Variants in NRXN3 observed in about 807,000 individuals in gnomAD.
NRXN3 encodes neurexin III.
Under a neutral mutation model 137.6 loss-of-function variants are expected in NRXN3, and 32 were observed. That is an observed-to-expected ratio of 0.23 (90% CI 0.18 to 0.31). NRXN3 has a LOEUF of 0.31. Ranked by LOEUF, NRXN3 falls within the 10% of genes least tolerant of loss-of-function variation. The pLI is 1.00. For missense variants in NRXN3, 1,574 were observed against 2,062.5 expected, an observed-to-expected ratio of 0.76 and a Z score of 4.59; for synonymous variants, 798 against 784.5, an observed-to-expected ratio of 1.02 and a Z score of -0.29.
Position 78,957,377 on chromosome 14 carries a change from G to A in NRXN3, c.2395+16G>A, listed in dbSNP as rs201148300. On this transcript the variant is annotated intron_variant, in intron 11 of 20. Coordinates refer to ENST00000335750, the MANE Select transcript of NRXN3 (RefSeq NM_001330195.2). The stretch of plus-strand genomic sequence containing the variant: ...GTGGCTGAGGGTGAGTATGACTATG[G>A]TGAAATTCGTCTGTCTTTTCTCTCA... 6.0e-4 allele frequency: 960 copies of A among 1,599,568 alleles called. 6 individuals are homozygous for A. In the Middle Eastern group the frequency reaches 7.0e-3, roughly 12 times the overall value.
chr14:78,338,283 T>G (rs2081717806), intron 4 of NRXN3, among the ~76,000 whole-genome samples: 1 of 152,178 alleles, frequency 6.6e-6, no homozygotes, highest in African/African-American at 2.4e-5. Context: ...AAAATTCACT[T>G]CCCCAGTCTC....
chr14:78,404,205 CT>C (rs61577048), intron 4 of NRXN3, among the ~76,000 whole-genome samples: 96,223 of 142,014 alleles, frequency 0.68, 33,031 homozygotes, highest in African/African-American at 0.8. Flanking sequence ...CCCTATTTTC[CT>C]TTTTTTTTTT....
intron 8 of NRXN3, among the ~76,000 whole-genome samples, chr14:78,760,422 C>T (rs1011824243): frequency 6.7e-6 from 1 of 149,662 alleles, no homozygotes; most frequent in African/African-American, 2.5e-5. Context: ...GGGTCTGGAA[C>T]ATAGTAGGTG....
chr14:79,441,630 G>A (rs8004710), intron 15 of NRXN3, among the ~76,000 whole-genome samples: 2 of 151,432 alleles, frequency 1.3e-5, no homozygotes, highest in Non-Finnish European at 2.9e-5. Flanking sequence ...TCTGCCCGCC[G>A]CGGCCTCCCA....
At chr14:78,475,550 T>C (rs1038082783) in intron 4 of NRXN3, among the ~76,000 whole-genome samples, 3 of 152,214 alleles carry the variant, frequency 2.0e-5, no homozygotes, top group Non-Finnish European at 4.4e-5. Flanking sequence ...AAAACAGTCT[T>C]GGCATTAATG....
intron 4 of NRXN3, among the ~76,000 whole-genome samples, chr14:78,598,552 G>A (rs1243785263): frequency 2.0e-5 from 3 of 152,228 alleles, no homozygotes; most frequent in African/African-American, 7.2e-5. Context: ...CCTGGGGTCT[G>A]CTCTCGCAGT....
intron 10 of NRXN3, among the ~76,000 whole-genome samples, chr14:78,824,301 A>T (rs532346617): frequency 6.6e-6 from 1 of 152,168 alleles, no homozygotes; most frequent in South Asian, 2.1e-4. Context: ...GATTCTGTTC[A>T]TTCAGTCAAG....
chr14:78,964,549 A>G (rs764679835), intron 11 of NRXN3, among the ~76,000 whole-genome samples: 2 of 152,198 alleles, frequency 1.3e-5, no homozygotes, highest in Non-Finnish European at 1.5e-5. Context: ...CTTCTTCAGG[A>G]AAGTTGTTAA....
rs1294731677 is a variant in NRXN3 at position 78,182,745 on chromosome 14, A to T, written c.-704+12071A>T. ...CTCGGCCTCCCAAAGTGCTGGGATTACAAGTGTGAGCCACTGCGCCTGGCC... is the reference window on the plus strand; with the variant it reads ...CTCGGCCTCCCAAAGTGCTGGGATTTCAAGTGTGAGCCACTGCGCCTGGCC... On this transcript the variant is annotated intron_variant, in intron 1 of 20. Transcript: ENST00000335750. Among the ~76,000 whole-genome samples the T allele has an allele frequency of 2.6e-5, 4 of 152,204 alleles. No homozygotes were observed. The East Asian group carries it at 7.7e-4, about 29-fold the overall frequency.
chr14:78,171,280 T>G (rs2058700912), intron 1 of NRXN3, among the ~76,000 whole-genome samples: 2 of 149,784 alleles, frequency 1.3e-5, no homozygotes, highest in Non-Finnish European at 3.0e-5. Flanking sequence ...AAATTCAGGT[T>G]GGACTCCTGT....
intron 4 of NRXN3, among the ~76,000 whole-genome samples, chr14:78,620,361 A>G (rs1025820032): frequency 3.3e-5 from 5 of 152,242 alleles, no homozygotes; most frequent in African/African-American, 1.2e-4. Context: ...TTAGGCAGCT[A>G]GAAAAATAAC....
At chr14:78,510,997 C>T (rs2096094299) in intron 4 of NRXN3, among the ~76,000 whole-genome samples, 1 of 152,268 alleles carries the variant, frequency 6.6e-6, no homozygotes, top group Admixed American at 6.5e-5. Context: ...TGTTTTATCT[C>T]TGGTTTGAAT....
At chr14:79,750,948 G>A (rs2098995447) in intron 19 of NRXN3, among the ~76,000 whole-genome samples, 2 of 152,158 alleles carry the variant, frequency 1.3e-5, no homozygotes, top group South Asian at 4.1e-4. Flanking sequence ...ATGATGGTAT[G>A]CTCTCTGAAT....
At chr14:78,262,426 A>G (rs558144453) in intron 2 of NRXN3, among the ~76,000 whole-genome samples, 25 of 152,270 alleles carry the variant, frequency 1.6e-4, no homozygotes, top group South Asian at 1.2e-3. Flanking sequence ...TAGAATGTCT[A>G]TGTAAAGGAA....
chr14:79,603,495 G>A (rs1362327486), intron 16 of NRXN3, among the ~76,000 whole-genome samples: 1 of 152,112 alleles, frequency 6.6e-6, no homozygotes, highest in Non-Finnish European at 1.5e-5. Flanking sequence ...TTCTGCACAT[G>A]TTCTTTATCC....
chr14:79,599,666 C>G (rs969935173), intron 16 of NRXN3, among the ~76,000 whole-genome samples: 1 of 152,228 alleles, frequency 6.6e-6, no homozygotes. Flanking sequence ...GTTCTGACCA[C>G]TTTATGTATA....
chr14:79,376,212 A>ATG (rs1566949759), intron 15 of NRXN3, among the ~76,000 whole-genome samples: 3 of 25,062 alleles, frequency 1.2e-4, no homozygotes, highest in African/African-American at 5.9e-4. Flanking sequence ...GTGTGTGTGT[A>ATG]TGTATATATA....
intron 6 of NRXN3, among the ~76,000 whole-genome samples, chr14:78,651,842 G>A (rs1055714112): frequency 8.5e-5 from 13 of 152,110 alleles, no homozygotes; most frequent in Admixed American, 3.3e-4. Flanking sequence ...TCCCTCCCAC[G>A]ACATGTGGGA....
At chr14:78,464,296 T>A (rs972333393) in intron 4 of NRXN3, among the ~76,000 whole-genome samples, 3 of 152,196 alleles carry the variant, frequency 2.0e-5, no homozygotes, top group Non-Finnish European at 4.4e-5. Flanking sequence ...CCTCAGGTGA[T>A]CCGCCTGTCT....
Sources: gnomAD v4.1 joint callset for allele counts (sites outside exome capture counted in the v4.1 genomes callset) on GRCh38, gnomAD v4.1.1 for gene constraint, MANE v1.5 for transcripts, NCBI Gene and HGNC (gene_info 2026-07-23, HGNC 2026-07-21) for gene names.